NLRP12: variants seen among roughly 807,000 people sequenced by gnomAD.
NLRP12 encodes NACHT, LRR and PYD domains-containing protein 12.
NLRP12 carries 108 observed loss-of-function variants against 91.2 expected under a neutral mutation model. The ratio of observed to expected loss-of-function variants is 1.18; its 90% CI spans 1.01 to 1.39. The LOEUF (loss-of-function observed/expected upper bound fraction) is 1.39. NLRP12 is among the 40% of genes most tolerant of loss of function. NLRP12 has a pLI of 0.00. For missense variants in NLRP12, 1,530 were observed against 1,352.7 expected (o/e 1.13, Z -2.06); for synonymous variants, 613 against 566.7 (o/e 1.08, Z -1.16).
rs867156890 is a variant in NLRP12, at chr19:53,810,892, T to G, written c.767A>C (p.Asn256Thr). 1 of 1,614,146 alleles carries G rather than the reference T, an allele frequency of 6.2e-7. No homozygotes were observed. Among genetic ancestry groups the G allele is most frequent in the African/African-American group, 1.3e-5 (1 of 75,066 alleles). The change falls in exon 3 of 10, where the codon AAC (asparagine) becomes ACC (threonine). Residue 256 changes from asparagine (N) to threonine (T), a missense_variant. By Grantham distance (65) the Asn-to-Thr change is moderately conservative. Transcript: ENST00000324134. ...CATGCTGCATTCCGTGGCACTCTGG[T>G]TCATCTCCCTGCAGTTGATGTAGAA... ...YLFYINCREM[N>T]QSATECSMQD...
In NLRP12 at chr19:53,802,781, T is replaced by C. The variant is rs530691918; in HGVS notation, c.2585+1171A>G. On this transcript the variant is annotated intron_variant, in intron 6 of 9. Coordinates refer to ENST00000324134, the MANE Select transcript of NLRP12 (RefSeq NM_144687.4). ...ATTTTACCACAATTAAATTTACTTTTTATTTTATTAGGGACAGGGTCTCAC... is the reference window on the plus strand; with the variant it reads ...ATTTTACCACAATTAAATTTACTTTCTATTTTATTAGGGACAGGGTCTCAC... Among the ~76,000 whole-genome samples, 4 of 152,116 alleles carry C rather than the reference T, an allele frequency of 2.6e-5. No individual in the cohort carries two copies. In the South Asian group the frequency reaches 8.3e-4, roughly 32 times the overall value.
chr19:53,798,132 G>A (rs541515838), intron 8 of NLRP12, 111 bp downstream of exon 8: 4 of 1,204,296 alleles, frequency 3.3e-6, no homozygotes, highest in Non-Finnish European at 1.2e-6. Context: ...CTTGCTACCT[G>A]AATCTTTTGT....
Position 53,823,443 on chromosome 19 carries a change from G to T in NLRP12, c.289+443C>A, listed in dbSNP as rs796421540. ...TTAAATATATATATTTAAAATATAT[G>T]TTTTAAATATATATTTTAAATATAT... On this transcript the variant is annotated intron_variant, in intron 1 of 9. Coordinates refer to ENST00000324134, the MANE Select transcript of NLRP12 (RefSeq NM_144687.4). Among the ~76,000 whole-genome samples the T allele has an allele frequency of 5.3e-3, 554 of 104,090 alleles. 7 individuals are homozygous for T. Among genetic ancestry groups the T allele is most frequent in the African/African-American group, 0.012 (318 of 26,166 alleles). The allele number at this position is 104,090 out of a possible 152,430, so 68.3% of individuals were successfully genotyped here. A position where few individuals can be genotyped will look rare whatever the true frequency, so the allele number is the denominator to read the frequency against.
intron 8 of NLRP12, among the ~76,000 whole-genome samples, chr19:53,797,640 C>T (rs576724143): frequency 2.0e-5 from 3 of 152,090 alleles, no homozygotes; most frequent in East Asian, 1.9e-4. Context: ...TGGTCTCGAA[C>T]TCCTGACCTC....
chr19:53,794,166 G>A, intron 9 of NLRP12, 30 bp from the exon 10 acceptor site: 1 of 1,389,062 alleles, frequency 7.2e-7, no homozygotes, highest in Non-Finnish European at 1.0e-6. Flanking sequence ...TATTATTCCA[G>A]TGTACTACTG....
chr19:53,823,496 T>TTTAAAATATATA (rs1568703243), intron 1 of NLRP12, among the ~76,000 whole-genome samples: 2 of 69,604 alleles, frequency 2.9e-5, no homozygotes, highest in Non-Finnish European at 5.5e-5. Flanking sequence ...TAAAATATAT[T>TTTAAAATATATA]TATTTAAAAT....
intron 3 of NLRP12, 34 bp downstream of exon 3, chr19:53,809,553 A>G (rs774409442): frequency 2.7e-6 from 4 of 1,507,120 alleles, no homozygotes; most frequent in Admixed American, 3.5e-5. Flanking sequence ...ACACGAACCT[A>G]AGCAGCCCCA....
intron 2 of NLRP12, among the ~76,000 whole-genome samples, chr19:53,813,299 C>CTTTTTTTTTTTT (rs1160039078): frequency 9.3e-5 from 8 of 86,032 alleles, no homozygotes; most frequent in Non-Finnish European, 1.3e-4. Context: ...TTTTTCTTTT[C>CTTTTTTTTTTTT]TTTTTTTTTT....
intron 3 of NLRP12, 42 bp from the exon 4 acceptor site, chr19:53,807,707 G>T (rs2866112): frequency 2.7e-5 from 44 of 1,610,770 alleles, no homozygotes; most frequent in Non-Finnish European, 3.7e-5. Flanking sequence ...TGTTACTGGT[G>T]CTTGACAACT....
Position 53,811,422 on chromosome 19 carries a change from G to A in NLRP12, c.371-134C>T, listed in dbSNP as rs1376404677. 4.0e-6 allele frequency: 4 copies of A among 1,007,696 alleles called. No homozygotes were observed. The Admixed American group carries it at 5.6e-5, about 14-fold the overall frequency. The allele number at this position is 1,007,696 out of a possible 1,614,324, so 62.4% of individuals were successfully genotyped here. On this transcript the variant is annotated intron_variant, in intron 2 of 9. Coordinates refer to ENST00000324134, the MANE Select transcript of NLRP12 (RefSeq NM_144687.4). ...CCAGCTACTCAGGAGGCTGAGATGG[G>A]AGAATCACTTGAACCCCTGAGGTGG...
rs1198659081 is a variant in NLRP12 at position 53,814,882 on chromosome 19, A to G, written c.370+26T>C. 4 of 1,588,000 alleles carry G rather than the reference A, an allele frequency of 2.5e-6. No individual in the cohort carries two copies. The Admixed American group carries it at 5.0e-5, about 20-fold the overall frequency. ...TCAGCTGCTCTGTGTAGATGAATAC[A>G]TGTAGGTACATGGCTTGAGGCTCAC... On this transcript the variant is annotated intron_variant, in intron 2 of 9. Coordinates refer to ENST00000324134, the MANE Select transcript of NLRP12 (RefSeq NM_144687.4).
chr19:53,820,692 T>A (rs1284921837), intron 1 of NLRP12, among the ~76,000 whole-genome samples: 3 of 13,502 alleles, frequency 2.2e-4, no homozygotes, highest in Non-Finnish European at 5.3e-4. Context: ...AAATAAATTA[T>A]TTTTTTTTTT....
chr19:53,803,333 C>T (rs2091904078), intron 6 of NLRP12, among the ~76,000 whole-genome samples: 1 of 152,036 alleles, frequency 6.6e-6, no homozygotes, highest in South Asian at 2.1e-4. Context: ...AGGCATGTGC[C>T]ACCACGCCTG....
intron 1 of NLRP12, among the ~76,000 whole-genome samples, chr19:53,823,549 A>T (rs374436998): frequency 1.3e-3 from 108 of 85,608 alleles, no homozygotes; most frequent in South Asian, 7.1e-3. Context: ...ATTTTAAAAA[A>T]ATATATTTTA....
chr19:53,801,861 G>A (rs1369703832), intron 6 of NLRP12, among the ~76,000 whole-genome samples: 3 of 152,062 alleles, frequency 2.0e-5, no homozygotes, highest in Non-Finnish European at 2.9e-5. Context: ...GGGAGGCCGA[G>A]GCTGGCAGAT....
chr19:53,812,291 G>C (rs937225134), intron 2 of NLRP12, among the ~76,000 whole-genome samples: 1 of 151,372 alleles, frequency 6.6e-6, no homozygotes, highest in African/African-American at 2.4e-5. Flanking sequence ...ACTTTAAGAC[G>C]CATACATATC....
Position 53,812,526 on chromosome 19 carries a change from A to G in NLRP12, c.371-1238T>C, listed in dbSNP as rs139626644. Among the ~76,000 whole-genome samples the G allele has an allele frequency of 5.2e-4, 79 of 152,188 alleles. No individual in the cohort carries two copies. In the East Asian group the frequency reaches 0.014, roughly 28 times the overall value. ...AGTGGGTTGGTTGTTACAACTGGGAAAGTACTACTGCCACATAGTGGATAG... is the reference window on the plus strand; with the variant it reads ...AGTGGGTTGGTTGTTACAACTGGGAGAGTACTACTGCCACATAGTGGATAG... On this transcript the variant is annotated intron_variant, in intron 2 of 9. Coordinates refer to ENST00000324134, the MANE Select transcript of NLRP12 (RefSeq NM_144687.4).
In NLRP12 at chr19:53,824,188, G is replaced by C. The variant is rs1239830054; in HGVS notation, c.-14C>G. The C allele has an allele frequency of 6.2e-7, 1 of 1,612,988 alleles. No individual in the cohort carries two copies. Among genetic ancestry groups the C allele is most frequent in the African/African-American group, 1.3e-5 (1 of 74,918 alleles). The stretch of plus-strand genomic sequence containing the variant: ...GGTTCGTAGCATGGGGGTGCCGTGA[G>C]CCCCAAAGGAGAGGACCTGGAGGCT... On this transcript the variant is annotated 5_prime_UTR_variant, in exon 1 of 10. Coordinates refer to ENST00000324134, the MANE Select transcript of NLRP12 (RefSeq NM_144687.4).
In NLRP12 at chr19:53,793,966, T is replaced by A. The variant is rs964749283; in HGVS notation, c.*83A>T. ...ATGAGTCTGTCTCTAGGAAGGAGGC[T>A]GATCATTATGCTGGGGGGGTGATGA... On this transcript the variant is annotated 3_prime_UTR_variant, in exon 10 of 10. Coordinates refer to ENST00000324134, the MANE Select transcript of NLRP12 (RefSeq NM_144687.4). The A allele has an allele frequency of 1.1e-6, 1 of 934,044 alleles. No homozygotes were observed. Among genetic ancestry groups the A allele is most frequent in the African/African-American group, 1.6e-5 (1 of 61,936 alleles). The allele number at this position is 934,044 out of a possible 1,614,324, so 57.9% of individuals were successfully genotyped here. A position where few individuals can be genotyped will look rare whatever the true frequency, so the allele number is the denominator to read the frequency against.
Sources: allele counts gnomAD v4.1 joint callset (sites outside exome capture counted in the v4.1 genomes callset), GRCh38; gene constraint gnomAD v4.1.1; transcripts MANE v1.5; gene names NCBI Gene and HGNC (gene_info 2026-07-23, HGNC 2026-07-21).